Variants in LRRC18 observed in about 807,000 individuals in gnomAD.
LRRC18 encodes leucine rich repeat containing 18, also known as leucine-rich repeat-containing protein 18.
A neutral mutation model predicts 11.2 loss-of-function variants in LRRC18; 12 were observed. The observed-to-expected ratio is 1.07, with a 90% CI of 0.69 to 1.74. The LOEUF (loss-of-function observed/expected upper bound fraction) is 1.74, where lower values mean the gene tolerates loss of function less well. Ranked by LOEUF, LRRC18 falls within the 40% of genes most tolerant of loss-of-function variation. The pLI is 0.00. For synonymous variants in LRRC18, 155 were observed against 130.6 expected, an observed-to-expected ratio of 1.19 and a Z score of -1.27; for missense variants, 374 against 330.5, an observed-to-expected ratio of 1.13 and a Z score of -1.02.
chr10:48,924,110 G>A, the LRRC18 span, among the ~76,000 whole-genome samples: 6,458 of 152,336 alleles, frequency 0.042, 444 homozygotes, highest in African/African-American at 0.14. Flanking sequence ...TAAAGTGAGG[G>A]CTGGCTAGGA....
chr10:48,914,328 A>G (rs763864759), upstream of LRRC18: 1 of 704,082 alleles, frequency 1.4e-6, no homozygotes, highest in Non-Finnish European at 2.3e-6. Flanking sequence ...TTTAAAAAGC[A>G]AGAAAGAGGA....
the LRRC18 span, among the ~76,000 whole-genome samples, chr10:48,928,531 G>A: frequency 6.6e-6 from 1 of 152,138 alleles, no homozygotes; most frequent in Non-Finnish European, 1.5e-5. Flanking sequence ...TATGGACCGT[G>A]ACCCCTGCCT....
the LRRC18 span, among the ~76,000 whole-genome samples, chr10:48,939,657 C>T: frequency 1.3e-5 from 2 of 152,332 alleles, no homozygotes; most frequent in Non-Finnish European, 2.9e-5. Context: ...CAGTTACCAA[C>T]AAAATTCACA....
the LRRC18 span, among the ~76,000 whole-genome samples, chr10:48,923,496 G>GA: frequency 1.6e-5 from 1 of 63,214 alleles, no homozygotes; most frequent in Admixed American, 2.2e-4. Context: ...ATAGTTTTTA[G>GA]TATATATATA....
the LRRC18 span, among the ~76,000 whole-genome samples, chr10:48,930,034 T>C: frequency 1.3e-5 from 2 of 152,218 alleles, no homozygotes; most frequent in African/African-American, 4.8e-5. Flanking sequence ...CTCCCCCACC[T>C]ACCCCAAGAC....
intron 1 of LRRC18, among the ~76,000 whole-genome samples, chr10:48,910,494 G>A (rs1837899789): frequency 6.6e-6 from 1 of 152,174 alleles, no homozygotes. Context: ...GTATTTTAGA[G>A]CATGAAGGAA....
upstream of LRRC18, among the ~76,000 whole-genome samples, chr10:48,915,733 G>A (rs764728441): frequency 2.6e-5 from 4 of 152,268 alleles, no homozygotes; most frequent in African/African-American, 4.8e-5. Flanking sequence ...CCTACCCTGC[G>A]AAAGGCCTGA....
chr10:48,931,309 G>A, the LRRC18 span, among the ~76,000 whole-genome samples: 9 of 152,188 alleles, frequency 5.9e-5, no homozygotes, highest in Non-Finnish European at 1.0e-4. Context: ...TGCTGTCCTA[G>A]GTCATCTGTG....
At chr10:48,930,214 G>A in the LRRC18 span, among the ~76,000 whole-genome samples, 1 of 152,192 alleles carries the variant, frequency 6.6e-6, no homozygotes, top group Non-Finnish European at 1.5e-5. Flanking sequence ...ATAGCTGAGA[G>A]TCAGCTGCTA....
exon 2 of LRRC18, chr10:48,909,964 A>G (rs1194482854): frequency 2.0e-6 from 1 of 490,084 alleles, no homozygotes; most frequent in East Asian, 3.5e-5. Context: ...GTTGTCTATA[A>G]TATATAATCT....
At chr10:48,919,972 A>G in the LRRC18 span, among the ~76,000 whole-genome samples, 2 of 152,210 alleles carry the variant, frequency 1.3e-5, no homozygotes, top group Non-Finnish European at 2.9e-5. Context: ...TCTTCAGACC[A>G]ATATTCTTCA....
At chr10:48,938,110 GC>G in the LRRC18 span, among the ~76,000 whole-genome samples, 2 of 152,220 alleles carry the variant, frequency 1.3e-5, no homozygotes, top group African/African-American at 4.8e-5. Flanking sequence ...GCTTGCGTAT[GC>G]CTAGTGCTTC....
the LRRC18 span, among the ~76,000 whole-genome samples, chr10:48,930,485 A>C: frequency 2.6e-5 from 4 of 152,168 alleles, no homozygotes; most frequent in Admixed American, 6.5e-5. Context: ...ACTTGAGGCC[A>C]CCTTAACTGG....
chr10:48,923,020 A>G, the LRRC18 span, among the ~76,000 whole-genome samples: 3 of 152,356 alleles, frequency 2.0e-5, no homozygotes, highest in Non-Finnish European at 4.4e-5. Flanking sequence ...CCAAAAAGGC[A>G]ATTTTACTGC....
upstream of LRRC18, among the ~76,000 whole-genome samples, chr10:48,918,331 A>G (rs1404325809): frequency 6.6e-6 from 1 of 152,194 alleles, no homozygotes; most frequent in Non-Finnish European, 1.5e-5. Flanking sequence ...TATGTTGTCT[A>G]TAAAGAAAGT....
chr10:48,939,426 C>CG, the LRRC18 span, among the ~76,000 whole-genome samples: 1 of 152,172 alleles, frequency 6.6e-6, no homozygotes, highest in African/African-American at 2.4e-5. Flanking sequence ...CTGTCTTGCT[C>CG]GGGGCCCCCC....
upstream of LRRC18, among the ~76,000 whole-genome samples, chr10:48,914,660 C>T (rs988951163): frequency 4.6e-5 from 7 of 152,106 alleles, no homozygotes; most frequent in African/African-American, 1.7e-4. Context: ...GTTTTCCAGC[C>T]AACATAAGCC....
chr10:48,937,125 C>G, the LRRC18 span, among the ~76,000 whole-genome samples: 1 of 152,024 alleles, frequency 6.6e-6, no homozygotes, highest in Non-Finnish European at 1.5e-5. Flanking sequence ...AACTCCTGAC[C>G]TCAGGTGATC....
At chr10:48,923,721 C>T in the LRRC18 span, among the ~76,000 whole-genome samples, 2 of 151,992 alleles carry the variant, frequency 1.3e-5, no homozygotes, top group Admixed American at 6.6e-5. Flanking sequence ...GCCCAGTCCT[C>T]AAGTTGAAAT....
Sources: gnomAD v4.1 joint callset for allele counts (sites outside exome capture counted in the v4.1 genomes callset) on GRCh38, gnomAD v4.1.1 for gene constraint, MANE v1.5 for transcripts, NCBI Gene and HGNC (gene_info 2026-07-23, HGNC 2026-07-21) for gene names.